Variants in TET2 observed in about 807,000 individuals in gnomAD.
TET2 encodes the protein tet methylcytosine dioxygenase 2, also known as methylcytosine dioxygenase TET2.
TET2 carries 299 observed loss-of-function variants against 142.9 expected under a neutral mutation model. The ratio of observed to expected loss-of-function variants is 2.09; its 90% CI spans 1.90 to 2.30. TET2 has a LOEUF of 2.30. Among genes scored for constraint, TET2 ranks in the 30% most tolerant of loss-of-function variants. TET2 has a pLI of 0.00. For missense variants in TET2, 2,418 were observed against 2,378.0 expected, an observed-to-expected ratio of 1.02 and a Z score of -0.35; for synonymous variants, 819 against 849.0, an observed-to-expected ratio of 0.96 and a Z score of 0.61.
intron 6 of TET2, among the ~76,000 whole-genome samples, chr4:105,258,257 A>T (rs1730241070): frequency 6.6e-6 from 1 of 151,992 alleles, no homozygotes; most frequent in African/African-American, 2.4e-5. Context: ...TTTATGGAGG[A>T]TAAAATTTTC....
chr4:105,240,240 T>C, intron 3 of TET2: 1 of 583,748 alleles, frequency 1.7e-6, no homozygotes. Flanking sequence ...ACACGTGGGA[T>C]TGCCACAAAC....
chr4:105,206,219 C>A (rs1726815560), intron 2 of TET2, among the ~76,000 whole-genome samples: 1 of 152,228 alleles, frequency 6.6e-6, no homozygotes, highest in Non-Finnish European at 1.5e-5. Context: ...ATTCTGTTTG[C>A]TGAGTTTGTA....
rs1728886181 is a variant in TET2, at chr4:105,236,221, T to C, written c.2279T>C (p.Phe760Ser). Residue 760 changes from phenylalanine to serine, a missense_variant, in exon 3 of 11, where the codon TTT becomes TCT. Physicochemically the swap from Phe to Ser is radical, Grantham distance 155 (BLOSUM62 -2). Transcript: ENST00000380013. ...AATAAAGAGGAAATACTCCAGACTTTTCCTCACCCCCAAAGCAACAATGAT... is the reference window on the plus strand; with the variant it reads ...AATAAAGAGGAAATACTCCAGACTTCTCCTCACCCCCAAAGCAACAATGAT... ...IKNKEEILQT[F>S]PHPQSNNDQQ... The C allele has an allele frequency of 1.9e-6, 3 of 1,614,004 alleles. No homozygotes were observed. Among genetic ancestry groups the C allele is most frequent in the Admixed American group, 1.7e-5 (1 of 59,988 alleles).
Position 105,236,844 on chromosome 4 carries a change from C to A in TET2, c.2902C>A (p.Pro968Thr), listed in dbSNP as rs775705395. 2 of 1,614,110 alleles carry A rather than the reference C, an allele frequency of 1.2e-6. No homozygotes were observed. Among genetic ancestry groups the A allele is most frequent in the South Asian group, 2.2e-5 (2 of 91,076 alleles). ...QKQEQQQTQQ[P>T]QTESCHSQMH... ...GCAAGAACAGCAGCAAACACAGCAA[C>A]CCCAAACTGAGTCTTGCCATAGTCA... The change falls in exon 3 of 11, where the codon CCC becomes ACC. Residue 968 changes from proline (P) to threonine (T), a missense_variant. Pro to Thr is a conservative substitution (Grantham distance 38). Coordinates refer to ENST00000380013, the MANE Select transcript of TET2 (RefSeq NM_001127208.3).
At position 105,184,723 on chromosome 4, in the gene TET2, G is replaced by A. The variant is rs543389213; in HGVS notation, c.-192-5637G>A. On this transcript the variant is annotated intron_variant, in intron 1 of 10. Transcript: ENST00000380013. ...TGGAATCATTTACTTGCAGAGAGGT[G>A]TGTGTGTGTGTGTGTGTATTTATGT... 1.7e-4 allele frequency among the ~76,000 whole-genome samples: 17 copies of A among 99,060 alleles called. No homozygotes were observed. In the East Asian group the frequency reaches 0.011, roughly 64 times the overall value. The allele number at this position is 99,060 out of a possible 152,430, so 65.0% of individuals were successfully genotyped here. A position where few individuals can be genotyped will look rare whatever the true frequency, so the allele number is the denominator to read the frequency against.
At chr4:105,162,657 A>G (rs1030569005) in intron 1 of TET2, among the ~76,000 whole-genome samples, 1 of 152,308 alleles carries the variant, frequency 6.6e-6, no homozygotes, top group African/African-American at 2.4e-5. Flanking sequence ...TAGTAACTTA[A>G]CCATCTCTAA....
chr4:105,250,584 GTA>G (rs925584256), intron 6 of TET2, among the ~76,000 whole-genome samples: 2 of 151,610 alleles, frequency 1.3e-5, no homozygotes, highest in African/African-American at 4.8e-5. Flanking sequence ...AATTTGGAGA[GTA>G]TTGATATCTT....
At chr4:105,155,973 A>G (rs556762899) in intron 1 of TET2, among the ~76,000 whole-genome samples, 3 of 152,188 alleles carry the variant, frequency 2.0e-5, no homozygotes, top group Non-Finnish European at 4.4e-5. Context: ...GAAAGCAGTA[A>G]GATAGAATTT....
rs1460668795 is a variant in TET2 at position 105,279,190 on chromosome 4, G to A, written c.*2671G>A. The A allele has an allele frequency of 4.3e-6, 1 of 232,206 alleles. No homozygotes were observed. Among genetic ancestry groups the A allele is most frequent in the Non-Finnish European group, 8.5e-6 (1 of 117,576 alleles). 14.4% of individuals were successfully genotyped at this position (232,206 alleles called of 1,614,324 possible). The stretch of plus-strand genomic sequence containing the variant: ...CCCCAAACATTTGATTACTACATGT[G>A]CATTGGTGATTTTGATCATCCATTC... On this transcript the variant is annotated 3_prime_UTR_variant, in exon 11 of 11. Coordinates refer to ENST00000380013, the MANE Select transcript of TET2 (RefSeq NM_001127208.3).
intron 2 of TET2, among the ~76,000 whole-genome samples, chr4:105,210,888 G>A (rs1303615232): frequency 6.6e-6 from 1 of 152,068 alleles, no homozygotes; most frequent in Non-Finnish European, 1.5e-5. Flanking sequence ...TTAATTCATT[G>A]TCTATACAGC....
chr4:105,269,610 A>T lies in TET2; in HGVS notation c.4045A>T (p.Ile1349Phe), dbSNP rs1730849986. The part of the protein sequence containing the change: ...KLAPDAYNNQ[I>F]EYEHRAPECR... Reference sequence around the variant, plus strand: ...ATTCACACACACTTTTATTTTTCAGATTGAATATGAACACAGAGCACCAGA... The same window carrying T: ...ATTCACACACACTTTTATTTTTCAGTTTGAATATGAACACAGAGCACCAGA... The change falls in exon 9 of 11, where the codon ATT (isoleucine) becomes TTT (phenylalanine). Residue 1349 changes from isoleucine (I) to phenylalanine (F), a missense_variant and splice_region_variant. Ile to Phe is a conservative substitution (Grantham distance 21). Coordinates refer to ENST00000380013, the MANE Select transcript of TET2 (RefSeq NM_001127208.3). The T allele has an allele frequency of 1.9e-6, 3 of 1,551,252 alleles. No individual in the cohort carries two copies. Among genetic ancestry groups the T allele is most frequent in the East Asian group, 2.4e-5 (1 of 40,926 alleles).
At position 105,234,031 on chromosome 4, in the gene TET2, T is replaced by C. The variant is rs767145286; in HGVS notation, c.89T>C (p.Leu30Pro). 1.9e-5 allele frequency: 31 copies of C among 1,613,976 alleles called. No homozygotes were observed. The highest frequency in any genetic ancestry group is 2.7e-5 in the African/African-American group (2 of 74,918). The change falls in exon 3 of 11, where the codon CTG (leucine) becomes CCG (proline). Residue 30 changes from leucine to proline, a missense_variant. Physicochemically the swap from Leu to Pro is moderately conservative, Grantham distance 98 (BLOSUM62 -3). Transcript: ENST00000380013. ...CCTCCCATTTGCCAGACAGAACCTCTGGCTACAAAGCTCCAGAATGGAAGC... is the reference window on the plus strand; with the variant it reads ...CCTCCCATTTGCCAGACAGAACCTCCGGCTACAAAGCTCCAGAATGGAAGC... ...PSPPICQTEP[L>P]ATKLQNGSPL...
intron 2 of TET2, among the ~76,000 whole-genome samples, chr4:105,213,495 T>C (rs1560757578): frequency 6.6e-6 from 1 of 152,246 alleles, no homozygotes; most frequent in Admixed American, 6.5e-5. Flanking sequence ...TGTATTCTTC[T>C]CATTGTAAGA....
At chr4:105,184,341 A>AGGT (rs1398509400) in intron 1 of TET2, among the ~76,000 whole-genome samples, 6 of 152,202 alleles carry the variant, frequency 3.9e-5, no homozygotes, top group Admixed American at 2.6e-4. Context: ...TTGGTTCTTA[A>AGGT]ATAATCACTT....
chr4:105,195,531 A>G (rs188211919), intron 2 of TET2, among the ~76,000 whole-genome samples: 2 of 152,160 alleles, frequency 1.3e-5, no homozygotes, highest in Admixed American at 6.6e-5. Context: ...CAAGTCTCTT[A>G]TATAAAATAG....
At chr4:105,263,451 A>G (rs1330692411) in intron 8 of TET2, among the ~76,000 whole-genome samples, 3 of 152,200 alleles carry the variant, frequency 2.0e-5, no homozygotes, top group Non-Finnish European at 4.4e-5. Context: ...ACTAAGGTGG[A>G]GCTTAGAGAA....
At position 105,278,182 on chromosome 4, in the gene TET2, ATATATATATATATATATATAT is replaced by A. The variant is rs887499907; in HGVS notation, c.*1664_*1684del. On this transcript the variant is annotated 3_prime_UTR_variant, in exon 11 of 11. Coordinates refer to ENST00000380013, the MANE Select transcript of TET2 (RefSeq NM_001127208.3). ...AAATTAAATATATACATATATATAT[ATATATATATATATATATATAT>A]GAGTTTGAAGCAGAATTCACATCAT... 4.5e-5 allele frequency: 7 copies of A among 155,520 alleles called. No homozygotes were observed. The highest frequency in any genetic ancestry group is 1.9e-4 in the African/African-American group (7 of 37,432). 9.6% of individuals were successfully genotyped at this position (155,520 alleles called of 1,614,324 possible). A position where few individuals can be genotyped will look rare whatever the true frequency, so the allele number is the denominator to read the frequency against.
At chr4:105,181,280 CT>C (rs1360701132) in intron 1 of TET2, among the ~76,000 whole-genome samples, 1 of 152,084 alleles carries the variant, frequency 6.6e-6, no homozygotes, top group Non-Finnish European at 1.5e-5. Flanking sequence ...TCACAATATG[CT>C]TTTTGAGGAT....
chr4:105,191,519 T>G (rs72665928), intron 2 of TET2, among the ~76,000 whole-genome samples: 18,528 of 152,206 alleles, frequency 0.12, 1,300 homozygotes, highest in Non-Finnish European at 0.16. Context: ...GCTTTTTTTT[T>G]GTCTATAATC....
Sources: allele counts gnomAD v4.1 joint callset (sites outside exome capture counted in the v4.1 genomes callset), GRCh38; gene constraint gnomAD v4.1.1; transcripts MANE v1.5; gene names NCBI Gene and HGNC (gene_info 2026-07-23, HGNC 2026-07-21).